The following RNF25 variants were observed in gnomAD, a reference collection of about 807,000 sequenced individuals.
RNF25 encodes E3 ubiquitin-protein ligase RNF25.
RNF25 carries 32 observed loss-of-function variants against 65.0 expected under a neutral mutation model. That is an observed-to-expected ratio of 0.49 (90% CI 0.37 to 0.66). The LOEUF is 0.66. Among genes scored for constraint, RNF25 ranks in the 30% least tolerant of loss-of-function variants. RNF25 has a pLI of 0.00. For synonymous variants in RNF25, 207 were observed against 221.2 expected (o/e 0.94, Z 0.57); for missense variants, 493 against 584.8 (o/e 0.84, Z 1.62).
chr2:218,668,818 A>G (rs1939892184), intron 1 of RNF25, 139 bp from the exon 2 acceptor site: 4 of 661,820 alleles, frequency 6.0e-6, no homozygotes, highest in Admixed American at 5.1e-5. Flanking sequence ...AAAACAAGGA[A>G]TATGTTACCT....
chr2:218,668,154 G>A lies in RNF25; in HGVS notation c.220-8C>T. On this transcript the variant is annotated splice_region_variant and splice_polypyrimidine_tract_variant and intron_variant, in intron 3 of 9. Transcript: ENST00000295704. ...TGGCACCTCATGGGGATACTAGTGG[G>A]GGCAAATAACAAGTTACTGCTGAAG... The A allele has an allele frequency of 6.2e-7, 1 of 1,614,046 alleles. No homozygotes were observed. Among genetic ancestry groups the A allele is most frequent in the Non-Finnish European group, 8.5e-7 (1 of 1,179,918 alleles).
In RNF25 at chr2:218,663,947, C is replaced by T. The variant is rs1294162540; in HGVS notation, c.*10G>A. On this transcript the variant is annotated 3_prime_UTR_variant, in exon 10 of 10. Transcript: ENST00000295704. The stretch of plus-strand genomic sequence containing the variant: ...CATCCCCAATTCCCTGTTCCCCCCA[C>T]CAAGTCCTGCTAGGAACCATCCTTA... The T allele has an allele frequency of 7.0e-7, 1 of 1,432,022 alleles. No individual in the cohort carries two copies. The highest frequency in any genetic ancestry group is 9.2e-7 in the Non-Finnish European group (1 of 1,090,236). 88.7% of individuals were successfully genotyped at this position (1,432,022 alleles called of 1,614,324 possible). A position where few individuals can be genotyped will look rare whatever the true frequency, so the allele number is the denominator to read the frequency against.
intron 6 of RNF25, 21 bp downstream of exon 6, chr2:218,666,138 G>T (rs1387802336): frequency 1.2e-6 from 2 of 1,613,188 alleles, no homozygotes; most frequent in East Asian, 2.2e-5. Context: ...CAGAATGCCA[G>T]GTCCCAAGAG....
At chr2:218,668,058 G>T in intron 4 of RNF25, 21 bp downstream of exon 4, 1 of 1,613,674 alleles carries the variant, frequency 6.2e-7, no homozygotes, top group Non-Finnish European at 8.5e-7. Context: ...AGTTTTCCCT[G>T]TTCTGACAGG....
chr2:218,665,704 C>T (rs1302435876), intron 7 of RNF25, among the ~76,000 whole-genome samples: 1 of 150,492 alleles, frequency 6.6e-6, no homozygotes, highest in Non-Finnish European at 1.5e-5. Flanking sequence ...GATTGTGCTA[C>T]TGCACTCCAG....
chr2:218,667,068 T>C (rs1356444141), intron 5 of RNF25, among the ~76,000 whole-genome samples: 1 of 150,876 alleles, frequency 6.6e-6, no homozygotes, highest in Non-Finnish European at 1.5e-5. Flanking sequence ...TCTGGGAGGC[T>C]GAGGCAGGAG....
intron 8 of RNF25, 107 bp downstream of exon 8, chr2:218,665,048 G>A (rs1303311782): frequency 1.4e-6 from 2 of 1,439,518 alleles, no homozygotes; most frequent in African/African-American, 2.8e-5. Context: ...GTCCTAGGCA[G>A]TTCAAGCCCA....
Position 218,666,058 on chromosome 2 carries a change from T to G in RNF25, c.431A>C (p.Glu144Ala), listed in dbSNP as rs1412257524. ...QCVICLYGFQ[E>A]KEAFTKTPCY... ...GGGTGTTTTGGTAAAGGCCTCCTTC[T>G]CCTAGAGGGAAGGCAGATGTAGGGC... The change falls in exon 7 of 10, where the codon GAG (glutamate) becomes GCG (alanine). Residue 144 changes from glutamate (E) to alanine (A), a missense_variant and splice_region_variant. Physicochemically the swap from Glu to Ala is moderately radical, Grantham distance 107. Around this residue, in one of 3 missense-constraint regions of RNF25, gnomAD observed 108 missense variants for 166.0 expected, o/e 0.65. Transcript: ENST00000295704. 1 of 1,613,544 alleles carries G rather than the reference T, an allele frequency of 6.2e-7. No individual in the cohort carries two copies. The highest frequency in any genetic ancestry group is 8.5e-7 in the Non-Finnish European group (1 of 1,179,596).
intron 1 of RNF25, among the ~76,000 whole-genome samples, chr2:218,671,414 G>C (rs1455638553): frequency 3.9e-5 from 6 of 152,138 alleles, no homozygotes; most frequent in African/African-American, 1.4e-4. Flanking sequence ...GGTTAAGAAT[G>C]CTTGAGAGAA....
rs1559322533 is a variant in RNF25, at chr2:218,666,168, A to AT, written c.419dup (p.Tyr140Ter). 1 of 1,614,060 alleles carries AT rather than the reference A, an allele frequency of 6.2e-7. No homozygotes were observed. Among genetic ancestry groups the AT allele is most frequent in the Non-Finnish European group, 8.5e-7 (1 of 1,179,940 alleles). ...CAAGAGAGAAACCCACCTGGAAACC[A>AT]TAGAGGCAGATGACACACTGGCCAT... ...IPHGQCVICL[Y>*]GFQEKEAFTK... Residue 140 changes from tyrosine to a stop codon, truncating the protein, a stop_gained and frameshift_variant, in exon 6 of 10, where the codon TAT (tyrosine) becomes TAAT (stop). Transcript: ENST00000295704. LOFTEE classifies it high-confidence loss of function.
chr2:218,664,415 G>A lies in RNF25; in HGVS notation c.922C>T (p.Leu308=), dbSNP rs772511624. Residue 308 remains leucine (L), a synonymous_variant, in exon 10 of 10, where the codon CTG becomes TTG. Coordinates refer to ENST00000295704, the MANE Select transcript of RNF25 (RefSeq NM_022453.3). This position sits in a 1 kb window ranked among gnomAD's most constrained non-coding sequence, Gnocchi z 5.1. ...PAVQSTLPPP[L]PVATQHICEK... ...CATATGTGCTGGGTCGCCACAGGCA[G>A]AGGAGGTGGCAAAGTGGATTGGACG... is the stretch of plus-strand genomic sequence containing the variant. The A allele has an allele frequency of 4.3e-6, 7 of 1,614,102 alleles. No homozygotes were observed. Among genetic ancestry groups the A allele is most frequent in the Non-Finnish European group, 5.9e-6 (7 of 1,180,052 alleles).
At position 218,664,517 on chromosome 2, in the gene RNF25, G is replaced by T. The variant is rs771613814; in HGVS notation, c.820C>A (p.Pro274Thr). ...TTGGAGACATCTACAGCTGACTCAG[G>T]TTCCGCAGGGGCAGGAGGCTAGAAA... ...SLQQPPAPAE[P>T]ESAVDVSKGS... The change falls in exon 10 of 10, where the codon CCT becomes ACT. Residue 274 changes from proline (P) to threonine (T), a missense_variant. Pro to Thr is a conservative substitution (Grantham distance 38). Coordinates refer to ENST00000295704, the MANE Select transcript of RNF25 (RefSeq NM_022453.3). The surrounding 1 kb of genome is among the most constrained non-coding windows in gnomAD (Gnocchi z 5.1). 44 of 1,613,138 alleles carry T rather than the reference G, an allele frequency of 2.7e-5. 1 individual carries two copies. In the South Asian group the frequency reaches 4.7e-4, roughly 17 times the overall value.
chr2:218,671,923 A>G lies in RNF25; in HGVS notation c.41+7T>C, dbSNP rs1207664529. ...CTGTCAGCCAAAGCCCATGCCCCCA[A>G]AGTTACCAGTCCTCCTCCCCTGCAG... On this transcript the variant is annotated splice_region_variant and intron_variant, in intron 1 of 9. Coordinates refer to ENST00000295704, the MANE Select transcript of RNF25 (RefSeq NM_022453.3). 5 of 1,614,016 alleles carry G rather than the reference A, an allele frequency of 3.1e-6. No individual in the cohort carries two copies. The South Asian group carries it at 3.3e-5, about 11-fold the overall frequency.
Position 218,668,138 on chromosome 2 carries a change from A to G in RNF25, c.228T>C (p.His76=), listed in dbSNP as rs200063493. Reference sequence around the variant, plus strand: ...TTCGGATAGAGATCTGTGGCACCTCATGGGGATACTAGTGGGGGCAAATAA... The same window carrying G: ...TTCGGATAGAGATCTGTGGCACCTCGTGGGGATACTAGTGGGGGCAAATAA... The part of the protein sequence containing the change: ...LVLQVPAEYP[H]EVPQISIRNP... Residue 76 remains histidine (H), a synonymous_variant, in exon 4 of 10, where the codon CAT becomes CAC. Transcript: ENST00000295704. 12 of 1,614,144 alleles carry G rather than the reference A, an allele frequency of 7.4e-6. No individual in the cohort carries two copies. The highest frequency in any genetic ancestry group is 2.7e-5 in the African/African-American group (2 of 75,058).
chr2:218,665,904 A>G lies in RNF25; in HGVS notation c.573+12T>C. The G allele has an allele frequency of 6.2e-7, 1 of 1,610,398 alleles. No homozygotes were observed. Among genetic ancestry groups the G allele is most frequent in the Non-Finnish European group, 8.5e-7 (1 of 1,177,882 alleles). On this transcript the variant is annotated intron_variant, in intron 7 of 9. Transcript: ENST00000295704. The stretch of plus-strand genomic sequence containing the variant: ...GGGTGTCAGATGAGTGTGCAGGTGC[A>G]GTGAGGTCTACCTGTTTGGTTGTAG...
intron 2 of RNF25, 123 bp from the exon 3 acceptor site, chr2:218,668,464 G>T: frequency 1.0e-6 from 1 of 975,268 alleles, no homozygotes; most frequent in Non-Finnish European, 1.6e-6. Context: ...TTTTGGGGTA[G>T]GATTAAAGGA....
intron 1 of RNF25, among the ~76,000 whole-genome samples, chr2:218,670,566 G>T (rs887423937): frequency 6.6e-6 from 1 of 151,288 alleles, no homozygotes; most frequent in Non-Finnish European, 1.5e-5. Flanking sequence ...TGTGGTGGCG[G>T]GCGCCTGTAG....
At position 218,664,380 on chromosome 2, in the gene RNF25, A is replaced by C; in HGVS notation, c.957T>G (p.Ile319Met). ...PVATQHICEK[I>M]PGTRSNQQRL... ...TTTGCTGATTTGACCTGGTCCCTGG[A>C]ATCTTCTCACATATGTGCTGGGTCG... The change falls in exon 10 of 10, where the codon ATT becomes ATG. Residue 319 changes from isoleucine (I) to methionine (M), a missense_variant. Ile to Met is a conservative substitution (Grantham distance 10). Transcript: ENST00000295704. This position sits in a 1 kb window ranked among gnomAD's most constrained non-coding sequence, Gnocchi z 5.1. 6.2e-7 allele frequency: 1 copy of C among 1,614,128 alleles called. No individual in the cohort carries two copies. Among genetic ancestry groups the C allele is most frequent in the Non-Finnish European group, 8.5e-7 (1 of 1,180,028 alleles).
intron 1 of RNF25, among the ~76,000 whole-genome samples, 173 bp downstream of exon 1, chr2:218,671,757 C>T (rs1939982853): frequency 6.6e-6 from 1 of 152,196 alleles, no homozygotes; most frequent in African/African-American, 2.4e-5. Flanking sequence ...CTCAGATCAG[C>T]GCCCCTCCAC....
Sources: gnomAD v4.1 joint callset for allele counts (sites outside exome capture counted in the v4.1 genomes callset) on GRCh38, gnomAD v4.1.1 for gene constraint, gnomAD v4.1.1 regional missense constraint, Gnocchi (gnomAD v3.1) non-coding constraint, MANE v1.5 for transcripts, NCBI Gene and HGNC (gene_info 2026-07-23, HGNC 2026-07-21) for gene names.